The following COL27A1 variants were observed in gnomAD, a reference collection of about 807,000 sequenced individuals.
The protein encoded by COL27A1 is collagen type XXVII alpha 1 chain.
COL27A1 carries 106 observed loss-of-function variants against 251.3 expected under a neutral mutation model. The ratio of observed to expected loss-of-function variants is 0.42; its 90% CI spans 0.36 to 0.50. COL27A1 has a LOEUF of 0.50. Ranked by LOEUF, COL27A1 falls within the 20% of genes least tolerant of loss-of-function variation. The probability of loss-of-function intolerance (pLI) is 0.00; values close to 1 mark genes in which losing one functional copy is unlikely to be tolerated. For synonymous variants in COL27A1, 1,000 were observed against 986.3 expected (o/e 1.01, Z -0.26); for missense variants, 2,325 against 2,522.8 (o/e 0.92, Z 1.68).
rs1229811572 is a variant in COL27A1 at position 114,303,252 on chromosome 9, T to C, written c.4872+1144T>C. On this transcript the variant is annotated intron_variant, in intron 56 of 60. Coordinates refer to ENST00000356083, the MANE Select transcript of COL27A1 (RefSeq NM_032888.4). ...CTTTTTTTTTCTTTTCTTTTTTTTTTTTTTGAGACACAGTCTTGCTCTGTC... is the reference window on the plus strand; with the variant it reads ...CTTTTTTTTTCTTTTCTTTTTTTTTCTTTTGAGACACAGTCTTGCTCTGTC... Among the ~76,000 whole-genome samples, 14 of 150,692 alleles carry C rather than the reference T, an allele frequency of 9.3e-5. No individual in the cohort carries two copies. The East Asian group carries it at 1.7e-3, about 19-fold the overall frequency.
At chr9:114,171,020 G>A (rs1289645662) in intron 3 of COL27A1, among the ~76,000 whole-genome samples, 1 of 152,246 alleles carries the variant, frequency 6.6e-6, no homozygotes, top group African/African-American at 2.4e-5. Context: ...GGTGTGGAGA[G>A]AGGAGCGGAG....
intron 57 of COL27A1, among the ~76,000 whole-genome samples, chr9:114,304,963 CA>C (rs146150996): frequency 2.0e-5 from 3 of 152,328 alleles, no homozygotes; most frequent in Non-Finnish European, 4.4e-5. Flanking sequence ...TGGCTGGAGT[CA>C]GGGGGAGAAG....
chr9:114,178,349 G>A lies in COL27A1; in HGVS notation c.1962+5G>A. 2 of 1,613,856 alleles carry A rather than the reference G, an allele frequency of 1.2e-6. No homozygotes were observed. Among genetic ancestry groups the A allele is most frequent in the East Asian group, 4.5e-5 (2 of 44,872 alleles). On this transcript the variant is annotated splice_donor_5th_base_variant and intron_variant, in intron 4 of 60. Coordinates refer to ENST00000356083, the MANE Select transcript of COL27A1 (RefSeq NM_032888.4). Reference sequence around the variant, plus strand: ...CCTGGTGCACGTGGGCCTCGGGTGAGTTATCTCACACTGTCCTTTGGAACT... The same window carrying A: ...CCTGGTGCACGTGGGCCTCGGGTGAATTATCTCACACTGTCCTTTGGAACT...
chr9:114,283,877 C>T (rs1836088982), intron 40 of COL27A1, 115 bp downstream of exon 40: 46 of 1,093,882 alleles, frequency 4.2e-5, no homozygotes, highest in Middle Eastern at 4.1e-4. Flanking sequence ...CCCTGGAATA[C>T]TGAAGATGTG....
At chr9:114,300,738 G>A (rs1194833440) in intron 51 of COL27A1, 51 bp downstream of exon 51, 4 of 1,436,206 alleles carry the variant, frequency 2.8e-6, no homozygotes, top group East Asian at 5.0e-5. Context: ...TAGGCCCAAG[G>A]TTGGCCAGCC....
rs796293254 is a variant in COL27A1, at chr9:114,269,634, A to AAAAG, written c.3555+342_3555+343insAGAA. Among the ~76,000 whole-genome samples, 615 of 113,964 alleles carry AAAAG rather than the reference A, an allele frequency of 5.4e-3. 6 individuals are homozygous for AAAAG. Among genetic ancestry groups the AAAAG allele is most frequent in the African/African-American group, 0.011 (256 of 23,388 alleles). The allele number at this position is 113,964 out of a possible 152,430, so 74.8% of individuals were successfully genotyped here. A position where few individuals can be genotyped will look rare whatever the true frequency, so the allele number is the denominator to read the frequency against. ...CATCTCAAAAAAAAAAAAAAAAAAA[A>AAAAG]AAGAAGAAGAAGGATGTTGAGGTTC... On this transcript the variant is annotated intron_variant, in intron 35 of 60. Transcript: ENST00000356083.
intron 12 of COL27A1, among the ~76,000 whole-genome samples, chr9:114,213,995 A>G (rs1331103922): frequency 6.6e-6 from 1 of 152,102 alleles, no homozygotes; most frequent in African/African-American, 2.4e-5. Flanking sequence ...CCATGAAAAT[A>G]CCCTCAACTC....
In COL27A1 at chr9:114,245,834, C is replaced by T. The variant is rs544692836; in HGVS notation, c.2935-32C>T. The stretch of plus-strand genomic sequence containing the variant: ...GGAGGTCTAGACTTTCATCTCCCAT[C>T]CCAATCCATCCTCCTCTTTGTCTCT... On this transcript the variant is annotated intron_variant, in intron 23 of 60. Transcript: ENST00000356083. The T allele has an allele frequency of 2.2e-4, 349 of 1,610,946 alleles. No individual in the cohort carries two copies. In the South Asian group the frequency reaches 3.1e-3, roughly 14 times the overall value.
intron 12 of COL27A1, among the ~76,000 whole-genome samples, chr9:114,211,633 G>A (rs78699261): frequency 0.014 from 2,148 of 152,358 alleles, 19 homozygotes; most frequent in South Asian, 0.026. Flanking sequence ...AAGGCACGGA[G>A]AGATTAAGTC....
chr9:114,238,767 A>G (rs1221248279), intron 19 of COL27A1, among the ~76,000 whole-genome samples: 1 of 152,064 alleles, frequency 6.6e-6, no homozygotes, highest in African/African-American at 2.4e-5. Context: ...GTGAGGGTGG[A>G]AGGCATGCTC....
chr9:114,189,249 A>T (rs1294130916), intron 5 of COL27A1, among the ~76,000 whole-genome samples: 1 of 152,218 alleles, frequency 6.6e-6, no homozygotes, highest in African/African-American at 2.4e-5. Context: ...GGGGTGATGG[A>T]AATGAAGTTG....
chr9:114,237,834 G>A (rs1832501150), intron 19 of COL27A1, 119 bp downstream of exon 19: 1 of 762,052 alleles, frequency 1.3e-6, no homozygotes, highest in Non-Finnish European at 2.3e-6. Context: ...TATGAGAGAT[G>A]AGGCTGAGAG....
intron 24 of COL27A1, among the ~76,000 whole-genome samples, chr9:114,250,055 C>A (rs1038264653): frequency 1.3e-5 from 2 of 152,228 alleles, no homozygotes; most frequent in African/African-American, 4.8e-5. Flanking sequence ...TGTCACCCAG[C>A]GGAGTTCAGC....
At position 114,312,422 on chromosome 9, in the gene COL27A1, C is replaced by G. The variant is rs1588916467; in HGVS notation, c.*1727C>G. 1 of 152,296 alleles carries G rather than the reference C, an allele frequency of 6.6e-6. No individual in the cohort carries two copies. Among genetic ancestry groups the G allele is most frequent in the African/African-American group, 2.4e-5 (1 of 41,536 alleles). The allele number at this position is 152,296 out of a possible 1,614,324, so 9.4% of individuals were successfully genotyped here. ...TGCTGTCTTCGTTTACGTCTCTGTCCACATGTCAGTGTATTAAAACCCCAA... is the reference window on the plus strand; with the variant it reads ...TGCTGTCTTCGTTTACGTCTCTGTCGACATGTCAGTGTATTAAAACCCCAA... On this transcript the variant is annotated 3_prime_UTR_variant, in exon 61 of 61. Coordinates refer to ENST00000356083, the MANE Select transcript of COL27A1 (RefSeq NM_032888.4).
At chr9:114,170,840 G>A (rs1000748703) in intron 3 of COL27A1, among the ~76,000 whole-genome samples, 6 of 152,242 alleles carry the variant, frequency 3.9e-5, no homozygotes, top group Admixed American at 3.9e-4. Context: ...GTGCCTTGGG[G>A]CCCTGACAGC....
chr9:114,179,132 C>G (rs1380870026), intron 4 of COL27A1, among the ~76,000 whole-genome samples: 1 of 152,210 alleles, frequency 6.6e-6, no homozygotes, highest in Non-Finnish European at 1.5e-5. Context: ...GCCTTTCCCA[C>G]GCTGGGTGCC....
intron 12 of COL27A1, among the ~76,000 whole-genome samples, chr9:114,213,719 C>G (rs1830517034): frequency 6.6e-6 from 1 of 152,190 alleles, no homozygotes; most frequent in Admixed American, 6.5e-5. Flanking sequence ...ATGCGATTCT[C>G]CCAGTGAACC....
chr9:114,231,688 C>G, intron 15 of COL27A1, 134 bp from the exon 16 acceptor site: 1 of 855,290 alleles, frequency 1.2e-6, no homozygotes, highest in Non-Finnish European at 2.0e-6. Flanking sequence ...AGTCATTTGC[C>G]CCCTTTTACA....
Position 114,220,083 on chromosome 9 carries a change from C to T in COL27A1, c.2421+239C>T, listed in dbSNP as rs1204878938. On this transcript the variant is annotated intron_variant, in intron 13 of 60. Coordinates refer to ENST00000356083, the MANE Select transcript of COL27A1 (RefSeq NM_032888.4). ...GCCCACTGAGCCCCTGGGTCCAAAGCTCCAGGCTGCACCCCATTTCCAGGA... is the reference window on the plus strand; with the variant it reads ...GCCCACTGAGCCCCTGGGTCCAAAGTTCCAGGCTGCACCCCATTTCCAGGA... Among the ~76,000 whole-genome samples, 3 of 152,316 alleles carry T rather than the reference C, an allele frequency of 2.0e-5. No individual in the cohort carries two copies. In the East Asian group the frequency reaches 5.8e-4, roughly 29 times the overall value.
Sources: gnomAD v4.1 joint callset for allele counts (sites outside exome capture counted in the v4.1 genomes callset) on GRCh38, gnomAD v4.1.1 for gene constraint, MANE v1.5 for transcripts, NCBI Gene and HGNC (gene_info 2026-07-23, HGNC 2026-07-21) for gene names.